KDM5D: variants seen among roughly 807,000 people sequenced by gnomAD.
KDM5D encodes the protein lysine-specific demethylase 5D.
KDM5D carries 25 observed loss-of-function variants against 31.9 expected under a neutral mutation model. That is an observed-to-expected ratio of 0.78 (90% confidence interval 0.57 to 1.09). The LOEUF (loss-of-function observed/expected upper bound fraction) is 1.09, where lower values mean the gene tolerates loss of function less well. KDM5D is among the 50% of genes least tolerant of loss of function. The probability of loss-of-function intolerance (pLI) is 0.00; values close to 1 mark genes in which losing one functional copy is unlikely to be tolerated. For missense variants in KDM5D, 366 were observed against 341.6 expected, an observed-to-expected ratio of 1.07 and a Z score of -0.56; for synonymous variants, 146 against 122.3, an observed-to-expected ratio of 1.19 and a Z score of -1.28.
Position 19,709,805 on chromosome Y carries a change from A to T in KDM5D, c.2588T>A (p.Val863Asp). ...TTGATAGGCCTCCACCTGTTCCAGG[A>T]CATCCTGCAAGGACATAGGATAAAA... ...AMHQIGDVKD[V>D]LEQVEAYQAE... Residue 863 changes from valine to aspartate, a missense_variant, in exon 20 of 27, where the codon GTC becomes GAC. Transcript: ENST00000317961. The T allele has an allele frequency of 2.5e-6, 1 of 398,056 alleles. No individual in the cohort carries two copies. The highest frequency in any genetic ancestry group is 3.5e-6 in the Non-Finnish European group (1 of 283,196).
chrY:19,744,430 C>A lies in KDM5D; in HGVS notation c.105G>T (p.Arg35Ser). The A allele has an allele frequency of 2.5e-6, 1 of 393,296 alleles. No homozygotes were observed. The highest frequency in any genetic ancestry group is 3.6e-6 in the Non-Finnish European group (1 of 280,383). Residue 35 changes from arginine to serine, a missense_variant, in exon 2 of 27, where the codon AGG (arginine) becomes AGT (serine). Coordinates refer to ENST00000317961, the MANE Select transcript of KDM5D (RefSeq NM_004653.5). Reference sequence around the variant, plus strand: ...AGATGCCAGACTTCTCTGCTATGGGCCTTATTTTCGCAATGTAGCCAAGCG... The same window carrying A: ...AGATGCCAGACTTCTCTGCTATGGGACTTATTTTCGCAATGTAGCCAAGCG... ...QDPLGYIAKIRPIAEKSGICK... is the reference protein window; with the variant it reads ...QDPLGYIAKISPIAEKSGICK...
At chrY:19,736,304 ATT>A in intron 6 of KDM5D, among the ~76,000 whole-genome samples, 1 of 33,315 alleles carries the variant, frequency 3.0e-5, no homozygotes, top group South Asian at 6.5e-4. Flanking sequence ...ATATTTTATC[ATT>A]GTTTAAAATA....
chrY:19,706,860 G>T lies in KDM5D; in HGVS notation c.4003C>A (p.Gln1335Lys). 1 of 393,770 alleles carries T rather than the reference G, an allele frequency of 2.5e-6. No individual in the cohort carries two copies. The highest frequency in any genetic ancestry group is 3.6e-6 in the Non-Finnish European group (1 of 279,242). ...CTGTCTCCATTCTCCAGCAGCCCTT[G>T]GACCTATCGGAAAAAAAGAATGGGT... Reference protein sequence around the residue: ...EGSGNNISKVQGLLENGDSVT... With the variant: ...EGSGNNISKVKGLLENGDSVT... Residue 1335 changes from glutamine (Q) to lysine (K), a missense_variant, in exon 25 of 27, where the codon CAA (glutamine) becomes AAA (lysine). By Grantham distance (53) the Gln-to-Lys change is moderately conservative. Coordinates refer to ENST00000317961, the MANE Select transcript of KDM5D (RefSeq NM_004653.5).
chrY:19,742,860 G>A (rs772739128), intron 3 of KDM5D, among the ~76,000 whole-genome samples: 2 of 33,427 alleles, frequency 6.0e-5, no homozygotes, highest in South Asian at 6.8e-4. Context: ...ATGTGAGTAC[G>A]AGAAGACAAA....
intron 5 of KDM5D, among the ~76,000 whole-genome samples, chrY:19,740,428 T>C: frequency 3.1e-5 from 1 of 31,836 alleles, no homozygotes; most frequent in African/African-American, 1.2e-4. Flanking sequence ...TGAGTGGGCA[T>C]AGTCACGCGC....
At chrY:19,722,602 C>A (rs2124196687) in intron 11 of KDM5D, 15 of 31,815 alleles carry the variant, frequency 4.7e-4, no homozygotes, top group Admixed American at 2.3e-3. Flanking sequence ...AGGCAACGAC[C>A]TACAGAATGG....
Position 19,739,573 on chromosome Y carries a change from T to C in KDM5D, c.612A>G (p.Ser204=). ...CCCGTCGACTGTAGCTGCTGAACTTTGAAGGCTGCACAGACTGTCTAAGGG... is the reference window on the plus strand; with the variant it reads ...CCCGTCGACTGTAGCTGCTGAACTTCGAAGGCTGCACAGACTGTCTAAGGG... ...SIPLRQSVQP[S]KFSSYSRRAK... The change falls in exon 6 of 27, where the codon TCA becomes TCG. Residue 204 remains serine, a synonymous_variant. Coordinates refer to ENST00000317961, the MANE Select transcript of KDM5D (RefSeq NM_004653.5). 2.5e-6 allele frequency: 1 copy of C among 396,339 alleles called. No homozygotes were observed. Among genetic ancestry groups the C allele is most frequent in the Middle Eastern group, 5.9e-4 (1 of 1,698 alleles).
At chrY:19,724,805 T>C in intron 11 of KDM5D, among the ~76,000 whole-genome samples, 1 of 33,193 alleles carries the variant, frequency 3.0e-5, no homozygotes, top group Admixed American at 2.8e-4. Context: ...CATGGTTATA[T>C]ATTTAGAAAA....
chrY:19,728,508 G>A (rs2045449529), intron 11 of KDM5D, among the ~76,000 whole-genome samples: 2 of 31,953 alleles, frequency 6.3e-5, no homozygotes, highest in Admixed American at 2.9e-4. Flanking sequence ...ACAGGTGCCC[G>A]CCACCACGCC....
In KDM5D at chrY:19,731,765, G is replaced by A; in HGVS notation, c.1371+7C>T. Reference sequence around the variant, plus strand: ...TTAATGTTAACATGAACTACCAACCGTATTACCTTCTCCTCAGGAGATAAG... The same window carrying A: ...TTAATGTTAACATGAACTACCAACCATATTACCTTCTCCTCAGGAGATAAG... On this transcript the variant is annotated splice_region_variant and intron_variant, in intron 11 of 26. Transcript: ENST00000317961. The A allele has an allele frequency of 1.3e-5, 5 of 391,085 alleles. No individual in the cohort carries two copies. The highest frequency in any genetic ancestry group is 1.8e-5 in the Non-Finnish European group (5 of 276,841).
Position 19,720,994 on chromosome Y carries a change from C to A in KDM5D, c.1594G>T (p.Ala532Ser). The change falls in exon 13 of 27, where the codon GCA (alanine) becomes TCA (serine). Residue 532 changes from alanine to serine, a missense_variant. Coordinates refer to ENST00000317961, the MANE Select transcript of KDM5D (RefSeq NM_004653.5). ...TTCATCACCTCCTCCAAATGCTCTG[C>A]TGCCAGGGAGGGTACACCATACCAG... Reference protein sequence around the residue: ...KTWYGVPSLAAEHLEEVMKML... With the variant: ...KTWYGVPSLASEHLEEVMKML... The A allele has an allele frequency of 2.5e-6, 1 of 398,027 alleles. No individual in the cohort carries two copies. Among genetic ancestry groups the A allele is most frequent in the Non-Finnish European group, 3.5e-6 (1 of 283,053 alleles).
chrY:19,715,502 G>A lies in KDM5D; in HGVS notation c.2339-3C>T. The A allele has an allele frequency of 2.5e-6, 1 of 398,389 alleles. No individual in the cohort carries two copies. The highest frequency in any genetic ancestry group is 3.5e-6 in the Non-Finnish European group (1 of 283,374). On this transcript the variant is annotated splice_region_variant and splice_polypyrimidine_tract_variant and intron_variant, in intron 17 of 26. Transcript: ENST00000317961. ...CAGTGCCCTTAGCTCTTCAAAGCCT[G>A]GAGAGTGTAAGTTGCAACAGGTAGG...
intron 18 of KDM5D, among the ~76,000 whole-genome samples, chrY:19,711,746 C>T: frequency 3.2e-5 from 1 of 31,491 alleles, no homozygotes; most frequent in Non-Finnish European, 7.7e-5. Context: ...AGAATGAAGA[C>T]AAAACATAAG....
At position 19,744,547 on chromosome Y, in the gene KDM5D, T is replaced by C. The variant is rs759358900; in HGVS notation, c.-13A>G. The C allele has an allele frequency of 2.6e-6, 1 of 382,345 alleles. No individual in the cohort carries two copies. Among genetic ancestry groups the C allele is most frequent in the Non-Finnish European group, 3.7e-6 (1 of 270,634 alleles). On this transcript the variant is annotated 5_prime_UTR_variant, in exon 2 of 27. Coordinates refer to ENST00000317961, the MANE Select transcript of KDM5D (RefSeq NM_004653.5). Reference sequence around the variant, plus strand: ...ACCCCGGTTCCATGTCGGGCCTTAATGCTAAGCTGTAAAATAAGAATCACA... The same window carrying C: ...ACCCCGGTTCCATGTCGGGCCTTAACGCTAAGCTGTAAAATAAGAATCACA...
At chrY:19,712,231 T>C (rs1037581818) in intron 18 of KDM5D, among the ~76,000 whole-genome samples, 7 of 33,606 alleles carry the variant, frequency 2.1e-4, no homozygotes, top group Non-Finnish European at 3.7e-4. Flanking sequence ...AGCTTTATTA[T>C]TTTTTATATA....
At chrY:19,737,784 T>C (rs2045520278) in intron 6 of KDM5D, among the ~76,000 whole-genome samples, 1 of 33,224 alleles carries the variant, frequency 3.0e-5, no homozygotes, top group Non-Finnish European at 7.4e-5. Context: ...TTTTTCTTTA[T>C]ATTTTGGAAG....
intron 18 of KDM5D, 187 bp from the exon 19 acceptor site, chrY:19,710,659 G>T: frequency 7.1e-6 from 1 of 140,308 alleles, no homozygotes; most frequent in African/African-American, 9.0e-5. Context: ...AGAGACTACA[G>T]ATATCAAAGT....
chrY:19,707,141 G>A lies in KDM5D; in HGVS notation c.3999+6C>T, dbSNP rs947129408. The stretch of plus-strand genomic sequence containing the variant: ...ATGAGGACAATGGCTGGCCTGGAAA[G>A]CTCACCTTAGAAATATTGTTGCCAC... On this transcript the variant is annotated splice_donor_region_variant and intron_variant, in intron 24 of 26. Transcript: ENST00000317961. 1 of 395,050 alleles carries A rather than the reference G, an allele frequency of 2.5e-6. No individual in the cohort carries two copies. The highest frequency in any genetic ancestry group is 6.3e-5 in the African/African-American group (1 of 15,889).
chrY:19,726,363 A>C, intron 11 of KDM5D, among the ~76,000 whole-genome samples: 1 of 34,127 alleles, frequency 2.9e-5, no homozygotes, highest in Non-Finnish European at 7.3e-5. Flanking sequence ...AATACTTTGC[A>C]ATCATAAAAA....
Sources: gnomAD v4.1 joint callset for allele counts (sites outside exome capture counted in the v4.1 genomes callset) on GRCh38, gnomAD v4.1.1 for gene constraint, MANE v1.5 for transcripts, NCBI Gene and HGNC (gene_info 2026-07-23, HGNC 2026-07-21) for gene names.